The following RPAP2 variants were observed in gnomAD, a reference collection of about 807,000 sequenced individuals.
RPAP2 encodes RNA polymerase II associated protein 2, also known as putative RNA polymerase II subunit B1 CTD phosphatase RPAP2.
A neutral mutation model predicts 73.1 loss-of-function variants in RPAP2; 52 were observed. That is an observed-to-expected ratio of 0.71 (90% CI 0.57 to 0.90). RPAP2 has a LOEUF of 0.90. Ranked by LOEUF, RPAP2 falls within the 40% of genes least tolerant of loss-of-function variation. The pLI is 0.00. For synonymous variants in RPAP2, 225 were observed against 242.1 expected (o/e 0.93, Z 0.65); for missense variants, 598 against 701.8 (o/e 0.85, Z 1.67).
chr1:92,352,610 G>C (rs1259723282), intron 11 of RPAP2, among the ~76,000 whole-genome samples: 2 of 152,140 alleles, frequency 1.3e-5, no homozygotes, highest in African/African-American at 4.8e-5. Context: ...GACCATATTT[G>C]AAGATCATTG....
chr1:92,373,574 C>T (rs1230249386), intron 11 of RPAP2, among the ~76,000 whole-genome samples: 1 of 151,640 alleles, frequency 6.6e-6, no homozygotes, highest in African/African-American at 2.4e-5. Context: ...TAAAGCATTA[C>T]ATTAATGACT....
chr1:92,327,656 T>C (rs764060281), intron 8 of RPAP2, among the ~76,000 whole-genome samples: 21 of 152,220 alleles, frequency 1.4e-4, no homozygotes, highest in Non-Finnish European at 2.6e-4. Context: ...TTACATTCAA[T>C]GTTAGTATTG....
At chr1:92,349,488 TGACCAAAAC>T (rs1172937804) in intron 11 of RPAP2, among the ~76,000 whole-genome samples, 6 of 152,216 alleles carry the variant, frequency 3.9e-5, no homozygotes, top group Non-Finnish European at 5.9e-5. Flanking sequence ...ATCAACATTT[TGACCAAAAC>T]ATGATAGTCC....
In RPAP2 at chr1:92,320,614, A is replaced by G. The variant is rs1024763561; in HGVS notation, c.504A>G (p.Gln168=). The G allele has an allele frequency of 6.2e-6, 10 of 1,611,174 alleles. No individual in the cohort carries two copies. Among genetic ancestry groups the G allele is most frequent in the African/African-American group, 1.3e-5 (1 of 74,906 alleles). The change falls in exon 7 of 13, where the codon CAA becomes CAG. Residue 168 remains glutamine, a synonymous_variant. Transcript: ENST00000610020. ...VREEERHPDF[Q]LLKEEQSGHS... is the part of the protein sequence containing the mutation. ...CTTATTACAGGCATCCTGATTTTCA[A>G]CTGCTAAAGGAAGAACAAAGGTATG...
chr1:92,323,404 T>C, intron 7 of RPAP2, 41 bp from the exon 8 acceptor site: 1 of 1,383,382 alleles, frequency 7.2e-7, no homozygotes, highest in Non-Finnish European at 9.9e-7. Context: ...TTTTATTTGC[T>C]ATTTTTTATT....
At chr1:92,364,207 A>G (rs557234687) in intron 11 of RPAP2, among the ~76,000 whole-genome samples, 1 of 152,280 alleles carries the variant, frequency 6.6e-6, no homozygotes, top group South Asian at 2.1e-4. Flanking sequence ...CTTCTTCCCC[A>G]TATCTCCATA....
chr1:92,340,292 C>T (rs1653523524), intron 10 of RPAP2, among the ~76,000 whole-genome samples: 1 of 152,188 alleles, frequency 6.6e-6, no homozygotes, highest in South Asian at 2.1e-4. Flanking sequence ...TCTGATAAGA[C>T]AGCTGATTTG....
At chr1:92,318,758 C>T (rs548139483) in intron 6 of RPAP2, among the ~76,000 whole-genome samples, 2 of 152,204 alleles carry the variant, frequency 1.3e-5, no homozygotes, top group African/African-American at 4.8e-5. Context: ...GATATCCTTT[C>T]ATATTGATTA....
At chr1:92,386,904 G>T in intron 12 of RPAP2, 107 bp from the exon 13 acceptor site, 1 of 785,700 alleles carries the variant, frequency 1.3e-6, no homozygotes, top group South Asian at 2.3e-5. Context: ...TAGAGATGGG[G>T]GTTTCACCAT....
intron 6 of RPAP2, among the ~76,000 whole-genome samples, chr1:92,314,117 T>C (rs1351004631): frequency 6.6e-6 from 1 of 152,238 alleles, no homozygotes; most frequent in Non-Finnish European, 1.5e-5. Context: ...GACTAGCATT[T>C]TAAATTTCCT....
chr1:92,359,768 A>ATT (rs914237380), intron 11 of RPAP2, among the ~76,000 whole-genome samples: 2 of 152,204 alleles, frequency 1.3e-5, no homozygotes, highest in African/African-American at 4.8e-5. Context: ...AGAGACCTAG[A>ATT]TTTTAGTGTC....
chr1:92,359,282 C>A (rs551300072), intron 11 of RPAP2, among the ~76,000 whole-genome samples: 2 of 152,232 alleles, frequency 1.3e-5, no homozygotes, highest in South Asian at 4.1e-4. Flanking sequence ...GTAGGAAGAA[C>A]TGATTGGAAG....
chr1:92,304,349 G>C lies in RPAP2; in HGVS notation c.399G>C (p.Lys133Asn), dbSNP rs1156852446. Residue 133 changes from lysine (K) to asparagine (N), a missense_variant and splice_region_variant, in exon 5 of 13, where the codon AAG (lysine) becomes AAC (asparagine). Around this residue, in one of 3 missense-constraint regions of RPAP2, gnomAD observed 506 missense variants for 612.8 expected, o/e 0.83. Coordinates refer to ENST00000610020, the MANE Select transcript of RPAP2 (RefSeq NM_024813.3). ...TNKVYDITER[K>N]SFCSNFCYQA... ...AAGTCTATGATATTACTGAAAGAAA[G>C]GTGAGTTTAAAGGCTTTCATTGTGG... 3 of 1,505,830 alleles carry C rather than the reference G, an allele frequency of 2.0e-6. No homozygotes were observed. The highest frequency in any genetic ancestry group is 2.7e-6 in the Non-Finnish European group (3 of 1,096,548). 93.3% of individuals were successfully genotyped at this position (1,505,830 alleles called of 1,614,324 possible). A position where few individuals can be genotyped will look rare whatever the true frequency, so the allele number is the denominator to read the frequency against.
chr1:92,322,668 A>G (rs2101172771), intron 7 of RPAP2, among the ~76,000 whole-genome samples: 1 of 152,102 alleles, frequency 6.6e-6, no homozygotes, highest in East Asian at 1.9e-4. Context: ...TGAGGCCAAG[A>G]ATTTGTGACC....
At position 92,336,411 on chromosome 1, in the gene RPAP2, C is replaced by G. The variant is rs1415260396; in HGVS notation, c.1603C>G (p.Leu535Val). The G allele has an allele frequency of 6.2e-7, 1 of 1,602,764 alleles. No homozygotes were observed. Among genetic ancestry groups the G allele is most frequent in the African/African-American group, 1.3e-5 (1 of 74,786 alleles). ...LGDIYTQLKN[L>V]VRTFRLTNRN... ...AGATATTTACACACAACTTAAAAAT[C>G]TTGTTCGAACTTTCAGGTTAGTGTT... is the stretch of plus-strand genomic sequence containing the variant. Residue 535 changes from leucine to valine, a missense_variant, in exon 10 of 13, where the codon CTT (leucine) becomes GTT (valine). Leu to Val is a conservative substitution (Grantham distance 32, BLOSUM62 1). Around this residue, in one of 3 missense-constraint regions of RPAP2, gnomAD observed 506 missense variants for 612.8 expected, o/e 0.83. Transcript: ENST00000610020.
intron 11 of RPAP2, among the ~76,000 whole-genome samples, chr1:92,371,834 G>T (rs1418439974): frequency 6.9e-6 from 1 of 144,840 alleles, no homozygotes; most frequent in Non-Finnish European, 1.5e-5. Flanking sequence ...TGAGGCTGCA[G>T]TGAGCTCCGA....
chr1:92,362,117 CA>C (rs1254220120), intron 11 of RPAP2, among the ~76,000 whole-genome samples: 3 of 152,256 alleles, frequency 2.0e-5, no homozygotes, highest in African/African-American at 7.2e-5. Flanking sequence ...CATAGCCTTG[CA>C]AACTTAAATG....
chr1:92,339,201 A>G (rs1268329638), intron 10 of RPAP2, among the ~76,000 whole-genome samples: 1 of 152,118 alleles, frequency 6.6e-6, no homozygotes, highest in Non-Finnish European at 1.5e-5. Flanking sequence ...AAACTTTAGG[A>G]AAAAAATGTT....
chr1:92,386,974 A>T, intron 12 of RPAP2, 37 bp from the exon 13 acceptor site: 1 of 1,575,494 alleles, frequency 6.3e-7, no homozygotes, highest in South Asian at 1.1e-5. Context: ...GCCTCCCAAT[A>T]CATGTTTTAC....
Sources: allele counts gnomAD v4.1 joint callset (sites outside exome capture counted in the v4.1 genomes callset), GRCh38; gene constraint gnomAD v4.1.1; regional missense constraint gnomAD v4.1.1; transcripts MANE v1.5; gene names NCBI Gene and HGNC (gene_info 2026-07-23, HGNC 2026-07-21).